Variants in EXOC6 observed in about 807,000 individuals in gnomAD.
EXOC6 encodes exocyst complex component 6.
Under a neutral mutation model 112.5 loss-of-function variants are expected in EXOC6, and 60 were observed. The observed-to-expected ratio is 0.53, with a 90% CI of 0.43 to 0.66. The LOEUF (loss-of-function observed/expected upper bound fraction) is 0.66. EXOC6 is among the 30% of genes least tolerant of loss of function. The pLI is 0.00. For synonymous variants in EXOC6, 295 were observed against 308.0 expected (o/e 0.96, Z 0.44); for missense variants, 855 against 957.1 (o/e 0.89, Z 1.41).
chr10:92,873,514 G>A (rs1018330979), intron 1 of EXOC6, among the ~76,000 whole-genome samples: 35 of 151,856 alleles, frequency 2.3e-4, no homozygotes, highest in Non-Finnish European at 4.0e-4. Flanking sequence ...GCTTTGAAGG[G>A]TCATATAATC....
chr10:93,036,316 C>T (rs540722740), intron 20 of EXOC6, among the ~76,000 whole-genome samples: 2 of 152,124 alleles, frequency 1.3e-5, no homozygotes, highest in East Asian at 1.9e-4. Flanking sequence ...AGTGTACATT[C>T]GAACATGTAT....
At chr10:93,021,736 A>G (rs1481566347) in intron 20 of EXOC6, among the ~76,000 whole-genome samples, 1 of 152,256 alleles carries the variant, frequency 6.6e-6, no homozygotes, top group Non-Finnish European at 1.5e-5. Flanking sequence ...GTAAGTTGCA[A>G]GGACGTAAAC....
chr10:92,910,576 T>G (rs1269609801), intron 6 of EXOC6, among the ~76,000 whole-genome samples: 8 of 152,082 alleles, frequency 5.3e-5, no homozygotes, highest in Non-Finnish European at 4.4e-5. Context: ...TACATTTCAA[T>G]GTATATACAT....
At chr10:92,849,878 A>C (rs989080978) in intron 1 of EXOC6, among the ~76,000 whole-genome samples, 16 of 152,200 alleles carry the variant, frequency 1.1e-4, no homozygotes, top group African/African-American at 3.9e-4. Flanking sequence ...TCAGAACATT[A>C]GGGACCTTGC....
chr10:92,857,556 G>T (rs1050959686), intron 1 of EXOC6, among the ~76,000 whole-genome samples: 5 of 151,982 alleles, frequency 3.3e-5, no homozygotes, highest in African/African-American at 1.2e-4. Context: ...TTGTCATCTT[G>T]TGTCATTTTC....
At chr10:92,978,771 T>C (rs374450914) in intron 18 of EXOC6, among the ~76,000 whole-genome samples, 18 of 152,330 alleles carry the variant, frequency 1.2e-4, no homozygotes, top group Admixed American at 1.1e-3. Context: ...ATTCTGGCCT[T>C]CTTTAACCCT....
intron 1 of EXOC6, among the ~76,000 whole-genome samples, chr10:92,872,484 T>C (rs571560071): frequency 8.5e-5 from 13 of 152,226 alleles, no homozygotes; most frequent in African/African-American, 2.9e-4. Context: ...TTCACAGTTT[T>C]ATACACATAC....
intron 19 of EXOC6, among the ~76,000 whole-genome samples, chr10:93,005,197 A>C (rs1222889850): frequency 6.6e-6 from 1 of 152,198 alleles, no homozygotes; most frequent in East Asian, 1.9e-4. Context: ...CTATGTATGA[A>C]TATAGAGGTT....
chr10:92,896,151 A>ATT (rs1849777453), intron 4 of EXOC6, among the ~76,000 whole-genome samples: 1 of 9,872 alleles, frequency 1.0e-4, no homozygotes, highest in African/African-American at 6.7e-4. Context: ...GTATGTGTAT[A>ATT]TATATATATA....
intron 19 of EXOC6, among the ~76,000 whole-genome samples, chr10:92,999,950 T>G (rs1330877127): frequency 6.6e-6 from 1 of 152,128 alleles, no homozygotes. Context: ...GTGATCCACC[T>G]GCCTCGGCCT....
In EXOC6 at chr10:92,981,322, G is replaced by T. The variant is rs376002242; in HGVS notation, c.1953+7090G>T. 1.8e-4 allele frequency among the ~76,000 whole-genome samples: 28 copies of T among 152,266 alleles called. No individual in the cohort carries two copies. In the South Asian group the frequency reaches 5.4e-3, roughly 29 times the overall value. On this transcript the variant is annotated intron_variant, in intron 18 of 21. Coordinates refer to ENST00000260762, the MANE Select transcript of EXOC6 (RefSeq NM_019053.6). ...AGTAACGTTTTACTGTGAACTTACTGCCTAACCACCCAGCACTGGTCTGTT... is the reference window on the plus strand; with the variant it reads ...AGTAACGTTTTACTGTGAACTTACTTCCTAACCACCCAGCACTGGTCTGTT...
intron 1 of EXOC6, among the ~76,000 whole-genome samples, chr10:92,878,901 A>G (rs1848814872): frequency 6.6e-6 from 1 of 152,130 alleles, no homozygotes; most frequent in Non-Finnish European, 1.5e-5. Flanking sequence ...ACTTTTTTCC[A>G]AAGAAATCAA....
chr10:92,979,377 C>A (rs947334596), intron 18 of EXOC6, among the ~76,000 whole-genome samples: 1 of 152,168 alleles, frequency 6.6e-6, no homozygotes, highest in African/African-American at 2.4e-5. Flanking sequence ...TTGCTGATGA[C>A]CATTGCCTAG....
chr10:93,032,994 A>T (rs1167605406), intron 20 of EXOC6, among the ~76,000 whole-genome samples: 1 of 152,136 alleles, frequency 6.6e-6, no homozygotes, highest in African/African-American at 2.4e-5. Flanking sequence ...AGAAAGGGTA[A>T]TAGTATGGCT....
rs548726016 is a variant in EXOC6, at chr10:93,050,449, G to C, written c.2170-6475G>C. Among the ~76,000 whole-genome samples, 3 of 151,570 alleles carry C rather than the reference G, an allele frequency of 2.0e-5. No individual in the cohort carries two copies. In the East Asian group the frequency reaches 5.9e-4, roughly 30 times the overall value. ...GCCTGTAGTCCCAGCTGCTTGGGAG[G>C]CTGAGGCACAAGAATTGCTTGAACC... On this transcript the variant is annotated intron_variant, in intron 20 of 21. Transcript: ENST00000260762.
intron 20 of EXOC6, among the ~76,000 whole-genome samples, chr10:93,035,110 G>A (rs1440566164): frequency 6.6e-6 from 1 of 152,306 alleles, no homozygotes; most frequent in South Asian, 2.1e-4. Flanking sequence ...TTTACCTTAA[G>A]GTCCAGATAT....
At chr10:93,004,300 G>A (rs1843883251) in intron 19 of EXOC6, among the ~76,000 whole-genome samples, 1 of 152,154 alleles carries the variant, frequency 6.6e-6, no homozygotes, top group South Asian at 2.1e-4. Context: ...AGAGTGCTAT[G>A]CTCATAATAA....
upstream of EXOC6, among the ~76,000 whole-genome samples, chr10:92,830,321 T>C (rs998757929): frequency 5.3e-5 from 8 of 152,190 alleles, no homozygotes; most frequent in African/African-American, 1.9e-4. Flanking sequence ...GATGCAGTTT[T>C]ATTTGAAGAA....
chr10:92,853,365 G>A (rs1847441765), intron 1 of EXOC6, among the ~76,000 whole-genome samples: 1 of 152,142 alleles, frequency 6.6e-6, no homozygotes, highest in African/African-American at 2.4e-5. Context: ...AATCCCAGCA[G>A]AATGAAAATT....
Sources: allele counts gnomAD v4.1 joint callset (sites outside exome capture counted in the v4.1 genomes callset), GRCh38; gene constraint gnomAD v4.1.1; transcripts MANE v1.5; gene names NCBI Gene and HGNC (gene_info 2026-07-23, HGNC 2026-07-21).